The following PPEF1 variants were observed in gnomAD, a reference collection of about 807,000 sequenced individuals.
PPEF1 encodes protein phosphatase with EF-hand domain 1.
Under a neutral mutation model 53.3 loss-of-function variants are expected in PPEF1, and 12 were observed. That is an observed-to-expected ratio of 0.23 (90% CI 0.14 to 0.36). PPEF1 has a LOEUF of 0.36. Among genes scored for constraint, PPEF1 ranks in the 10% least tolerant of loss-of-function variants. PPEF1 has a pLI of 1.00. For missense variants in PPEF1, 334 were observed against 490.4 expected (o/e 0.68, Z 3.01); for synonymous variants, 165 against 176.7 (o/e 0.93, Z 0.52).
At chrX:18,700,243 GTGTGTGT>G (rs1569242352) in intron 5 of PPEF1, 10 of 38,183 alleles carry the variant, frequency 2.6e-4, no homozygotes, top group East Asian at 6.5e-4. Context: ...AGAGTGGGGT[GTGTGTGT>G]GTGTGTGTGT....
At chrX:18,776,844 T>A (rs1462518876) in intron 6 of PPEF1, among the ~76,000 whole-genome samples, 1 of 110,936 alleles carries the variant, frequency 9.0e-6, no homozygotes, top group Non-Finnish European at 1.9e-5. Context: ...CACTTGAACC[T>A]GGGAGGCGGA....
chrX:18,735,796 T>G (rs906969893), intron 3 of PPEF1, among the ~76,000 whole-genome samples: 1 of 111,411 alleles, frequency 9.0e-6, no homozygotes, highest in African/African-American at 3.3e-5. Flanking sequence ...TGTCCTCTTT[T>G]ATTTCCTTGA....
rs146172249 is a variant in PPEF1, at chrX:18,779,153, C to T, written c.702C>T (p.His234=). The T allele has an allele frequency of 3.3e-6, 4 of 1,203,594 alleles. No individual in the cohort carries two copies. Among genetic ancestry groups the T allele is most frequent in the African/African-American group, 3.5e-5 (2 of 56,809 alleles). Reference sequence around the variant, plus strand: ...ACCTGCACTTGAACAGAGGGAACCACGAAGATTTTATGATGAATCTGAGGT... The same window carrying T: ...ACCTGCACTTGAACAGAGGGAACCATGAAGATTTTATGATGAATCTGAGGT... The part of the protein sequence containing the change: ...PNDLHLNRGN[H]EDFMMNLRYG... Residue 234 remains histidine (H), a synonymous_variant, in exon 7 of 16, where the codon CAC becomes CAT. Transcript: ENST00000470157.
chrX:18,805,358 G>T (rs1383796226), intron 11 of PPEF1, among the ~76,000 whole-genome samples: 1 of 112,028 alleles, frequency 8.9e-6, no homozygotes, highest in African/African-American at 3.2e-5. Context: ...TTCCCTCTGT[G>T]TCAGCACTTT....
chrX:18,691,470 A>G (rs955699198), intron 4 of PPEF1: 1 of 111,642 alleles, frequency 9.0e-6, no homozygotes, highest in African/African-American at 3.3e-5. Context: ...GAACCTCATG[A>G]TGGTCTTGCA....
At chrX:18,739,943 G>C (rs1397999256) in intron 3 of PPEF1, among the ~76,000 whole-genome samples, 1 of 112,688 alleles carries the variant, frequency 8.9e-6, no homozygotes, top group East Asian at 2.8e-4. Context: ...CCAGGTGTGG[G>C]ATATAATCTC....
chrX:18,776,418 G>A (rs1027010532), intron 6 of PPEF1, among the ~76,000 whole-genome samples: 5 of 110,778 alleles, frequency 4.5e-5, no homozygotes, highest in African/African-American at 6.6e-5. Flanking sequence ...TGTACTTTTT[G>A]TAGAGAAGGG....
chrX:18,799,325 G>A (rs755373175), intron 10 of PPEF1, among the ~76,000 whole-genome samples: 2 of 110,781 alleles, frequency 1.8e-5, no homozygotes, highest in African/African-American at 6.6e-5. Context: ...AGAATTGCTC[G>A]AACCCAGGAG....
intron 1 of PPEF1, among the ~76,000 whole-genome samples, chrX:18,711,443 C>T (rs367853144): frequency 1.9e-4 from 21 of 110,939 alleles, no homozygotes; most frequent in East Asian, 1.4e-3. Flanking sequence ...ACTTATACCC[C>T]CTAAATATAT....
intron 3 of PPEF1, among the ~76,000 whole-genome samples, chrX:18,743,130 C>T (rs915559658): frequency 2.1e-4 from 23 of 112,123 alleles, no homozygotes; most frequent in African/African-American, 7.4e-4. Context: ...GGGATGTGGA[C>T]ATAGGGAGGC....
At chrX:18,690,882 G>A (rs892264504) in intron 3 of PPEF1, 1 of 112,231 alleles carries the variant, frequency 8.9e-6, no homozygotes, top group Non-Finnish European at 1.9e-5. Flanking sequence ...CCTACATTGT[G>A]AGGTCACCAA....
intron 6 of PPEF1, among the ~76,000 whole-genome samples, chrX:18,776,003 A>G (rs1246697677): frequency 9.0e-6 from 1 of 111,594 alleles, no homozygotes; most frequent in Non-Finnish European, 1.9e-5. Flanking sequence ...TCAAGTGTCC[A>G]CCATCCCCTC....
At chrX:18,677,035 C>CT (rs763530257) in intron 1 of PPEF1, among the ~76,000 whole-genome samples, 6,965 of 89,983 alleles carry the variant, frequency 0.077, 353 homozygotes, top group East Asian at 0.15. Context: ...TCATCACAAT[C>CT]TTTTTTTTTT....
In PPEF1 at chrX:18,725,594, G is replaced by C. The variant is rs534431774; in HGVS notation, c.47-4587G>C. ...CACCCCTATTGGCAGAGCCTCACAG[G>C]GGGCAACTGACAAAGCTGAAATGGG... is the stretch of plus-strand genomic sequence containing the variant. On this transcript the variant is annotated intron_variant, in intron 1 of 15. Transcript: ENST00000470157. Among the ~76,000 whole-genome samples, 4 of 111,891 alleles carry C rather than the reference G, an allele frequency of 3.6e-5. No individual in the cohort carries two copies. The South Asian group carries it at 1.5e-3, about 42-fold the overall frequency.
intron 1 of PPEF1, among the ~76,000 whole-genome samples, chrX:18,723,210 C>T (rs1436101317): frequency 9.0e-6 from 1 of 111,073 alleles, no homozygotes; most frequent in Non-Finnish European, 1.9e-5. Context: ...CTCTCAAACT[C>T]CTGATCTCAG....
chrX:18,799,156 C>T (rs1481388694), intron 10 of PPEF1, among the ~76,000 whole-genome samples: 1 of 109,246 alleles, frequency 9.2e-6, no homozygotes, highest in African/African-American at 3.3e-5. Context: ...TTGCTTGAAC[C>T]TGGGAGGCGG....
At chrX:18,725,600 A>C (rs1354891872) in intron 1 of PPEF1, among the ~76,000 whole-genome samples, 1 of 111,797 alleles carries the variant, frequency 8.9e-6, no homozygotes, top group Non-Finnish European at 1.9e-5. Context: ...ACAGGGGGCA[A>C]CTGACAAAGC....
At chrX:18,747,194 A>T (rs185060509) in intron 3 of PPEF1, among the ~76,000 whole-genome samples, 43 of 111,585 alleles carry the variant, frequency 3.9e-4, no homozygotes, top group African/African-American at 1.3e-3. Flanking sequence ...TGTGGGGGAG[A>T]TGCAAGGTCC....
chrX:18,790,074 C>T lies in PPEF1; in HGVS notation c.1065+801C>T, dbSNP rs187328825. Among the ~76,000 whole-genome samples, 35 of 112,236 alleles carry T rather than the reference C, an allele frequency of 3.1e-4. No individual in the cohort carries two copies. The South Asian group carries it at 3.3e-3, about 11-fold the overall frequency. ...TACATTTCCAGTAGCAATGGATGAACGTTCCAATTTCTCCACATCCTCTCT... is the reference window on the plus strand; with the variant it reads ...TACATTTCCAGTAGCAATGGATGAATGTTCCAATTTCTCCACATCCTCTCT... On this transcript the variant is annotated intron_variant, in intron 10 of 15. Coordinates refer to ENST00000470157, the MANE Select transcript of PPEF1 (RefSeq NM_001377996.1).
Sources: gnomAD v4.1 joint callset for allele counts (sites outside exome capture counted in the v4.1 genomes callset) on GRCh38, gnomAD v4.1.1 for gene constraint, MANE v1.5 for transcripts, NCBI Gene and HGNC (gene_info 2026-07-23, HGNC 2026-07-21) for gene names.